The following EYA2 variants were observed in gnomAD, a reference collection of about 807,000 sequenced individuals.
The protein encoded by EYA2 is EYA transcriptional coactivator and phosphatase 2.
Under a neutral mutation model 69.2 loss-of-function variants are expected in EYA2, and 31 were observed. The observed-to-expected ratio is 0.45, with a 90% CI of 0.34 to 0.60. The LOEUF is 0.60. Among genes scored for constraint, EYA2 ranks in the 20% least tolerant of loss-of-function variants. The pLI is 0.02. For missense variants in EYA2, 622 were observed against 701.2 expected (o/e 0.89, Z 1.28); for synonymous variants, 257 against 279.4 (o/e 0.92, Z 0.80).
At chr20:46,945,393 G>A (rs1978396729) in intron 1 of EYA2, among the ~76,000 whole-genome samples, 1 of 152,200 alleles carries the variant, frequency 6.6e-6, no homozygotes, top group South Asian at 2.1e-4. Context: ...TGTTTAACCA[G>A]CTCTAAAACA....
chr20:47,001,491 G>T lies in EYA2; in HGVS notation c.155+18G>T. On this transcript the variant is annotated intron_variant, in intron 3 of 15. Transcript: ENST00000327619. ...TTCTCCAGGTGAGTGCCATTCACTT[G>T]TCTCCTGCTCACATGCCCACCTTTT... 1 of 1,613,682 alleles carries T rather than the reference G, an allele frequency of 6.2e-7. No homozygotes were observed. Among genetic ancestry groups the T allele is most frequent in the East Asian group, 2.2e-5 (1 of 44,870 alleles).
At chr20:47,075,193 A>G (rs549028503) in intron 7 of EYA2, among the ~76,000 whole-genome samples, 11 of 152,250 alleles carry the variant, frequency 7.2e-5, no homozygotes, top group African/African-American at 2.4e-4. Flanking sequence ...TCATTTACTT[A>G]TATATTTATT....
intron 1 of EYA2, among the ~76,000 whole-genome samples, chr20:46,966,794 G>A (rs146498812): frequency 0.017 from 2,437 of 146,640 alleles, 116 homozygotes; most frequent in East Asian, 0.13. Context: ...CAGCCTGGGC[G>A]ACAGAGCGAG....
chr20:46,989,977 A>G (rs199545133), intron 1 of EYA2, 24 bp from the exon 2 acceptor site: 30 of 1,169,502 alleles, frequency 2.6e-5, no homozygotes, highest in Non-Finnish European at 3.6e-5. Context: ...TGAATAAATT[A>G]TATTTCCCTT....
At chr20:46,988,994 C>T (rs1204127894) in intron 1 of EYA2, among the ~76,000 whole-genome samples, 1 of 152,122 alleles carries the variant, frequency 6.6e-6, no homozygotes, top group Non-Finnish European at 1.5e-5. Flanking sequence ...GTGTGAGCCA[C>T]CATGCCTGGC....
chr20:47,173,817 T>C (rs890484124), intron 12 of EYA2, among the ~76,000 whole-genome samples: 2 of 152,134 alleles, frequency 1.3e-5, no homozygotes, highest in African/African-American at 4.8e-5. Flanking sequence ...GTGGCTCTCA[T>C]TGGAACCACC....
chr20:47,163,695 T>C (rs750949129), intron 10 of EYA2, among the ~76,000 whole-genome samples: 2 of 50,126 alleles, frequency 4.0e-5, no homozygotes, highest in Non-Finnish European at 6.9e-5. Flanking sequence ...CAAAACACTG[T>C]CTCAAAAAAA....
At chr20:46,943,504 C>A (rs1023707153) in intron 1 of EYA2, among the ~76,000 whole-genome samples, 4 of 152,110 alleles carry the variant, frequency 2.6e-5, no homozygotes. Flanking sequence ...CTCTCTGGGG[C>A]CCTGGGAACT....
At chr20:47,096,971 A>G (rs2032264702) in intron 8 of EYA2, 114 bp from the exon 9 acceptor site, 1 of 775,986 alleles carries the variant, frequency 1.3e-6, no homozygotes, top group Non-Finnish European at 2.2e-6. Flanking sequence ...TTTTGTAACT[A>G]AAGATAATGT....
chr20:47,081,893 G>A lies in EYA2; in HGVS notation c.662-7346G>A, dbSNP rs569263872. 1.7e-4 allele frequency among the ~76,000 whole-genome samples: 26 copies of A among 151,992 alleles called. No homozygotes were observed. The South Asian group carries it at 5.2e-3, about 31-fold the overall frequency. Reference sequence around the variant, plus strand: ...CTCGATCTGTCGCCCAGGCTGGAGTGCGATGGTGTGACCTTGGCTCACTGC... The same window carrying A: ...CTCGATCTGTCGCCCAGGCTGGAGTACGATGGTGTGACCTTGGCTCACTGC... On this transcript the variant is annotated intron_variant, in intron 7 of 15. Coordinates refer to ENST00000327619, the MANE Select transcript of EYA2 (RefSeq NM_005244.5).
intron 1 of EYA2, among the ~76,000 whole-genome samples, chr20:46,907,835 AAAACAAACAAAC>A (rs60032049): frequency 4.7e-5 from 7 of 150,344 alleles, no homozygotes; most frequent in African/African-American, 9.8e-5. Context: ...ACTCCATCTG[AAAACAAACAAAC>A]AAACAAACAA....
At chr20:47,003,467 G>A (rs1387803621) in intron 3 of EYA2, among the ~76,000 whole-genome samples, 1 of 152,218 alleles carries the variant, frequency 6.6e-6, no homozygotes, top group Non-Finnish European at 1.5e-5. Context: ...AAATCCAGCT[G>A]ATAGCACCAC....
intron 3 of EYA2, 45 bp from the exon 4 acceptor site, chr20:47,004,897 T>C: frequency 1.9e-6 from 3 of 1,613,506 alleles, no homozygotes; most frequent in Non-Finnish European, 2.5e-6. Context: ...GAAGAAGGGG[T>C]GCCAGACTGG....
At chr20:46,980,306 TA>T (rs1980747647) in intron 1 of EYA2, among the ~76,000 whole-genome samples, 1 of 152,230 alleles carries the variant, frequency 6.6e-6, no homozygotes, top group African/African-American at 2.4e-5. Flanking sequence ...CTAGTATCTG[TA>T]AACTAAGCAA....
At chr20:46,898,795 G>A (rs977663217) in intron 1 of EYA2, among the ~76,000 whole-genome samples, 8 of 152,288 alleles carry the variant, frequency 5.3e-5, no homozygotes, top group Non-Finnish European at 1.0e-4. Flanking sequence ...TCTTTACGGC[G>A]TGTGATTTAA....
chr20:46,916,794 G>A (rs576335690), intron 1 of EYA2, among the ~76,000 whole-genome samples: 22 of 152,232 alleles, frequency 1.4e-4, no homozygotes, highest in African/African-American at 5.3e-4. Flanking sequence ...CCAGAAGAGA[G>A]GGGGCTCACA....
At chr20:47,146,053 C>T (rs1349319455) in intron 10 of EYA2, among the ~76,000 whole-genome samples, 1 of 152,034 alleles carries the variant, frequency 6.6e-6, no homozygotes, top group Non-Finnish European at 1.5e-5. Context: ...AGAGGACTTG[C>T]TGATAGACTA....
chr20:46,905,723 C>T (rs555185146), intron 1 of EYA2, among the ~76,000 whole-genome samples: 1 of 152,340 alleles, frequency 6.6e-6, no homozygotes, highest in East Asian at 1.9e-4. Flanking sequence ...TATCACCAAC[C>T]TGCTGTGTGT....
intron 9 of EYA2, among the ~76,000 whole-genome samples, chr20:47,115,889 C>T (rs981176420): frequency 1.3e-5 from 2 of 152,196 alleles, no homozygotes; most frequent in Non-Finnish European, 2.9e-5. Context: ...ATCTCTTTCA[C>T]CCACCCCCAG....
Sources: gnomAD v4.1 joint callset for allele counts (sites outside exome capture counted in the v4.1 genomes callset) on GRCh38, gnomAD v4.1.1 for gene constraint, MANE v1.5 for transcripts, NCBI Gene and HGNC (gene_info 2026-07-23, HGNC 2026-07-21) for gene names.